ENOX1: variants seen among roughly 807,000 people sequenced by gnomAD.
The protein encoded by ENOX1 is candidate growth-related and time keeping constitutive hydroquinone (NADH) oxidase.
In ENOX1, 42 loss-of-function variants were observed where a neutral mutation model predicts 82.5. That is an observed-to-expected ratio of 0.51 (90% CI 0.40 to 0.66). The LOEUF is 0.66. Ranked by LOEUF, ENOX1 falls within the 30% of genes least tolerant of loss-of-function variation. The probability of loss-of-function intolerance (pLI) is 0.00; values close to 1 mark genes in which losing one functional copy is unlikely to be tolerated. For missense variants in ENOX1, 608 were observed against 811.6 expected (o/e 0.75, Z 3.05); for synonymous variants, 271 against 282.2 (o/e 0.96, Z 0.40).
chr13:43,507,292 G>A (rs2077208163), intron 2 of ENOX1, among the ~76,000 whole-genome samples: 2 of 151,894 alleles, frequency 1.3e-5, no homozygotes, highest in Non-Finnish European at 1.5e-5. Context: ...ATTTCCACAA[G>A]TGAAGGTCAG....
intron 1 of ENOX1, among the ~76,000 whole-genome samples, chr13:43,693,115 A>C (rs943143289): frequency 2.6e-5 from 4 of 152,162 alleles, no homozygotes; most frequent in Non-Finnish European, 2.9e-5. Context: ...CAAGAAAAAA[A>C]CTTAGAAGGA....
chr13:43,390,943 T>A (rs1405944774), intron 5 of ENOX1, among the ~76,000 whole-genome samples: 3 of 152,210 alleles, frequency 2.0e-5, no homozygotes, highest in African/African-American at 7.2e-5. Flanking sequence ...CTGAAGGCAC[T>A]GGCTACTACG....
At chr13:43,478,054 GTTTT>G (rs756717438) in intron 3 of ENOX1, among the ~76,000 whole-genome samples, 40 of 100,464 alleles carry the variant, frequency 4.0e-4, no homozygotes, top group African/African-American at 4.3e-4. Flanking sequence ...AGCCAGAGAG[GTTTT>G]TTTTTTTTTT....
At chr13:43,515,419 C>T (rs1160896710) in intron 2 of ENOX1, among the ~76,000 whole-genome samples, 7 of 152,016 alleles carry the variant, frequency 4.6e-5, no homozygotes, top group African/African-American at 1.4e-4. Context: ...TTGGAGTATC[C>T]GTTTTTCATC....
chr13:43,716,247 T>C (rs1356354344), intron 1 of ENOX1, among the ~76,000 whole-genome samples: 2 of 152,174 alleles, frequency 1.3e-5, no homozygotes, highest in Non-Finnish European at 2.9e-5. Context: ...GGTGTGGATG[T>C]CCTTTCTGTT....
intron 11 of ENOX1, among the ~76,000 whole-genome samples, chr13:43,302,577 C>T (rs1010913528): frequency 6.6e-6 from 1 of 152,024 alleles, no homozygotes; most frequent in Non-Finnish European, 1.5e-5. Context: ...AAAAAATGAC[C>T]AAAGTGACAC....
intron 2 of ENOX1, among the ~76,000 whole-genome samples, chr13:43,498,447 A>T (rs759626981): frequency 4.6e-5 from 7 of 152,106 alleles, no homozygotes; most frequent in Non-Finnish European, 1.0e-4. Flanking sequence ...AACAGAAGCC[A>T]ACCTTAAAGC....
chr13:43,382,331 A>T (rs1594244234), intron 5 of ENOX1, among the ~76,000 whole-genome samples: 1 of 152,180 alleles, frequency 6.6e-6, no homozygotes. Flanking sequence ...GTAAACTAAA[A>T]ATCAAAGGAA....
intron 1 of ENOX1, among the ~76,000 whole-genome samples, chr13:43,668,686 C>G (rs1265412899): frequency 6.6e-6 from 1 of 152,082 alleles, no homozygotes; most frequent in Non-Finnish European, 1.5e-5. Flanking sequence ...TACCACATGG[C>G]ATGATAGATC....
intron 1 of ENOX1, among the ~76,000 whole-genome samples, chr13:43,749,689 G>C (rs190583301): frequency 6.6e-6 from 1 of 152,176 alleles, no homozygotes. Flanking sequence ...TCTGTACTGA[G>C]AGTAACAGTA....
At chr13:43,578,985 A>G (rs1176740857) in intron 2 of ENOX1, among the ~76,000 whole-genome samples, 1 of 152,100 alleles carries the variant, frequency 6.6e-6, no homozygotes, top group Non-Finnish European at 1.5e-5. Flanking sequence ...ATTCCTAGAT[A>G]GGAATTCTTG....
At chr13:43,755,044 T>C (rs1009195761) in intron 1 of ENOX1, among the ~76,000 whole-genome samples, 8 of 150,270 alleles carry the variant, frequency 5.3e-5, no homozygotes, top group Non-Finnish European at 2.9e-5. Context: ...TGTTTCTCCA[T>C]CCTTCAATTC....
chr13:43,521,699 T>C (rs759838793), intron 2 of ENOX1, among the ~76,000 whole-genome samples: 3 of 152,160 alleles, frequency 2.0e-5, no homozygotes, highest in Non-Finnish European at 4.4e-5. Flanking sequence ...TGCAAAGACC[T>C]ACTGAAAATA....
intron 1 of ENOX1, among the ~76,000 whole-genome samples, chr13:43,745,208 G>A (rs968979090): frequency 2.6e-5 from 4 of 152,030 alleles, no homozygotes; most frequent in African/African-American, 9.7e-5. Flanking sequence ...TCATGAGACG[G>A]AACAGAAAAC....
At position 43,444,871 on chromosome 13, in the gene ENOX1, G is replaced by A. The variant is rs74772016; in HGVS notation, c.-74-31883C>T. 5.3e-5 allele frequency among the ~76,000 whole-genome samples: 8 copies of A among 152,156 alleles called. No homozygotes were observed. In the East Asian group the frequency reaches 5.8e-4, roughly 11 times the overall value. On this transcript the variant is annotated intron_variant, in intron 3 of 16. Coordinates refer to ENST00000690772, the MANE Select transcript of ENOX1 (RefSeq NM_001347969.2). The stretch of plus-strand genomic sequence containing the variant: ...GGTTTGTTGGATCCACGTGCCACCC[G>A]TACCTCTTCCCTGGGCATGTGGCCA...
At chr13:43,308,297 C>T (rs747077594) in intron 11 of ENOX1, among the ~76,000 whole-genome samples, 1 of 152,174 alleles carries the variant, frequency 6.6e-6, no homozygotes, top group Non-Finnish European at 1.5e-5. Context: ...CCTTTCTTTG[C>T]TCCTTTATCA....
At chr13:43,499,589 C>A (rs1279036913) in intron 2 of ENOX1, among the ~76,000 whole-genome samples, 1 of 151,994 alleles carries the variant, frequency 6.6e-6, no homozygotes, top group Non-Finnish European at 1.5e-5. Context: ...CCCAGAATCT[C>A]TTTCCAGGAT....
intron 2 of ENOX1, among the ~76,000 whole-genome samples, chr13:43,501,150 CTGAAAGTA>C (rs2076967544): frequency 1.3e-5 from 2 of 151,030 alleles, no homozygotes; most frequent in East Asian, 3.9e-4. Context: ...GACACACAGA[CTGAAAGTA>C]AAAGAATGAA....
chr13:43,247,848 TA>T (rs60177109), intron 14 of ENOX1, among the ~76,000 whole-genome samples: 22 of 1,892 alleles, frequency 0.012, 1 homozygote, highest in Middle Eastern at 0.17. Context: ...TATATATATA[TA>T]TATATATATA....
Sources: allele counts gnomAD v4.1 joint callset (sites outside exome capture counted in the v4.1 genomes callset), GRCh38; gene constraint gnomAD v4.1.1; transcripts MANE v1.5; gene names NCBI Gene and HGNC (gene_info 2026-07-23, HGNC 2026-07-21).